PDSS2: variants seen among roughly 807,000 people sequenced by gnomAD.
The protein encoded by PDSS2 is decaprenyl diphosphate synthase subunit 2.
PDSS2 carries 31 observed loss-of-function variants against 44.5 expected under a neutral mutation model. The ratio of observed to expected loss-of-function variants is 0.70; its 90% CI spans 0.52 to 0.94. The LOEUF is 0.94. Ranked by LOEUF, PDSS2 falls within the 40% of genes least tolerant of loss-of-function variation. PDSS2 has a pLI of 0.00. For missense variants in PDSS2, 452 were observed against 482.2 expected, an observed-to-expected ratio of 0.94 and a Z score of 0.59; for synonymous variants, 157 against 180.3, an observed-to-expected ratio of 0.87 and a Z score of 1.03.
At chr6:107,394,694 T>C (rs1779886805) in intron 1 of PDSS2, among the ~76,000 whole-genome samples, 1 of 152,218 alleles carries the variant, frequency 6.6e-6, no homozygotes, top group Non-Finnish European at 1.5e-5. Context: ...TTCTGTAAAA[T>C]GTACTAACCT....
chr6:107,236,405 T>C (rs948750523), intron 4 of PDSS2, among the ~76,000 whole-genome samples: 1 of 147,670 alleles, frequency 6.8e-6, no homozygotes, highest in African/African-American at 2.5e-5. Context: ...GAGGTGGAGG[T>C]TGCCGTGAGC....
chr6:107,300,941 C>T (rs1348947995), intron 2 of PDSS2, among the ~76,000 whole-genome samples: 1 of 152,138 alleles, frequency 6.6e-6, no homozygotes, highest in Non-Finnish European at 1.5e-5. Context: ...GCAGGGAGTC[C>T]TATAAAGACT....
At chr6:107,345,031 T>C (rs1376031724) in intron 1 of PDSS2, among the ~76,000 whole-genome samples, 1 of 152,044 alleles carries the variant, frequency 6.6e-6, no homozygotes, top group Non-Finnish European at 1.5e-5. Context: ...AATTTAGTGT[T>C]GAAGCAAGGG....
chr6:107,342,297 T>C (rs1015833899), intron 1 of PDSS2, among the ~76,000 whole-genome samples: 2 of 152,150 alleles, frequency 1.3e-5, no homozygotes, highest in African/African-American at 4.8e-5. Flanking sequence ...ATTCTCAACT[T>C]TCCTCATTTC....
At position 107,245,583 on chromosome 6, in the gene PDSS2, C is replaced by T. The variant is rs35555197; in HGVS notation, c.667G>A (p.Val223Ile). 1.6e-3 allele frequency: 2,494 copies of T among 1,595,666 alleles called. 2 individuals are homozygous for T. Among genetic ancestry groups the T allele is most frequent in the Non-Finnish European group, 2.0e-3 (2,307 of 1,167,120 alleles). ...GAATTTTCATGATATACTCCTTGTACCAAGTCCATAAGAGCACTTGCTAAA... is the reference window on the plus strand; with the variant it reads ...GAATTTTCATGATATACTCCTTGTATCAAGTCCATAAGAGCACTTGCTAAA... ...ELLASALMDLVQGVYHENSTS... is the reference protein window; with the variant it reads ...ELLASALMDLIQGVYHENSTS... Residue 223 changes from valine to isoleucine, a missense_variant, in exon 4 of 8, where the codon GTA (valine) becomes ATA (isoleucine). Val to Ile is a conservative substitution (Grantham distance 29). Coordinates refer to ENST00000369037, the MANE Select transcript of PDSS2 (RefSeq NM_020381.4).
chr6:107,277,245 C>A (rs1174231493), intron 2 of PDSS2, among the ~76,000 whole-genome samples: 7 of 152,192 alleles, frequency 4.6e-5, no homozygotes, highest in African/African-American at 1.4e-4. Flanking sequence ...GTAAGATTTC[C>A]ATAGCTGGAG....
chr6:107,291,616 T>C (rs1488979906), intron 2 of PDSS2, among the ~76,000 whole-genome samples: 1 of 149,496 alleles, frequency 6.7e-6, no homozygotes, highest in Non-Finnish European at 1.5e-5. Context: ...TCCTCCCACC[T>C]TGGCCTTCCA....
At chr6:107,392,386 A>AT (rs898245960) in intron 1 of PDSS2, among the ~76,000 whole-genome samples, 19 of 152,298 alleles carry the variant, frequency 1.2e-4, no homozygotes, top group Non-Finnish European at 2.6e-4. Context: ...GGCTTTAAAA[A>AT]TTTTTTTAAA....
intron 4 of PDSS2, among the ~76,000 whole-genome samples, chr6:107,235,388 C>T (rs2114754588): frequency 6.6e-6 from 1 of 152,298 alleles, no homozygotes; most frequent in Middle Eastern, 3.4e-3. Flanking sequence ...GGGAATAATT[C>T]CTGTTCCACA....
intron 4 of PDSS2, among the ~76,000 whole-genome samples, chr6:107,237,140 G>A (rs1387433243): frequency 2.0e-5 from 3 of 152,138 alleles, no homozygotes; most frequent in East Asian, 3.9e-4. Context: ...GCCATGTTGC[G>A]TAAGCTGGTC....
intron 1 of PDSS2, among the ~76,000 whole-genome samples, chr6:107,361,259 T>G (rs1778764415): frequency 6.6e-6 from 1 of 152,166 alleles, no homozygotes; most frequent in Admixed American, 6.5e-5. Context: ...ATATTGAAGG[T>G]AAACACCAGA....
At chr6:107,167,306 T>C (rs1289423813) in intron 7 of PDSS2, among the ~76,000 whole-genome samples, 4 of 152,352 alleles carry the variant, frequency 2.6e-5, no homozygotes, top group Admixed American at 2.0e-4. Flanking sequence ...TTTGTATTTC[T>C]GTGGGATCAG....
At chr6:107,264,170 A>T (rs1288185806) in intron 3 of PDSS2, 17 of 874,282 alleles carry the variant, frequency 1.9e-5, no homozygotes, top group Non-Finnish European at 2.5e-5. Flanking sequence ...ACTATAACAG[A>T]TAAGACAAAC....
chr6:107,347,870 T>TA (rs1182514525), intron 1 of PDSS2, among the ~76,000 whole-genome samples: 5 of 151,972 alleles, frequency 3.3e-5, no homozygotes, highest in Non-Finnish European at 7.4e-5. Context: ...TTTTAAAAGG[T>TA]AAAAAAGAGT....
chr6:107,162,283 G>A (rs1192275641), intron 7 of PDSS2, among the ~76,000 whole-genome samples: 5 of 151,952 alleles, frequency 3.3e-5, no homozygotes, highest in African/African-American at 4.8e-5. Context: ...GATCACTTGA[G>A]GCCAGGAGTG....
At chr6:107,329,954 C>A (rs1041236002) in intron 2 of PDSS2, among the ~76,000 whole-genome samples, 1 of 148,262 alleles carries the variant, frequency 6.7e-6, no homozygotes, top group Admixed American at 6.8e-5. Context: ...TGAGCCGAGA[C>A]TGCATCACTT....
At chr6:107,238,135 G>C (rs913719180) in intron 4 of PDSS2, among the ~76,000 whole-genome samples, 27 of 152,192 alleles carry the variant, frequency 1.8e-4, no homozygotes, top group Admixed American at 1.3e-3. Context: ...TCCTGAGACT[G>C]AGGCCAAGCC....
At chr6:107,429,521 C>T (rs1781104552) in intron 1 of PDSS2, among the ~76,000 whole-genome samples, 1 of 152,098 alleles carries the variant, frequency 6.6e-6, no homozygotes, top group Admixed American at 6.5e-5. Flanking sequence ...ACTATTGAGA[C>T]ATCTAAATGC....
chr6:107,430,856 T>G (rs987256260), intron 1 of PDSS2, among the ~76,000 whole-genome samples: 5 of 152,156 alleles, frequency 3.3e-5, no homozygotes, highest in African/African-American at 1.2e-4. Context: ...CAGGGCCACA[T>G]GTTAACCAGC....
Sources: allele counts gnomAD v4.1 joint callset (sites outside exome capture counted in the v4.1 genomes callset), GRCh38; gene constraint gnomAD v4.1.1; transcripts MANE v1.5; gene names NCBI Gene and HGNC (gene_info 2026-07-23, HGNC 2026-07-21).